TAF3: variants seen among roughly 807,000 people sequenced by gnomAD.
The protein encoded by TAF3 is TATA-box binding protein associated factor 3.
TAF3 carries 7 observed loss-of-function variants against 80.6 expected under a neutral mutation model. The observed-to-expected ratio is 0.09, with a 90% CI of 0.05 to 0.16. TAF3 has a LOEUF of 0.16. TAF3 is among the 10% of genes least tolerant of loss of function. The probability of loss-of-function intolerance (pLI) is 1.00; values close to 1 mark genes in which losing one functional copy is unlikely to be tolerated. For synonymous variants in TAF3, 444 were observed against 446.1 expected (o/e 1.00, Z 0.06); for missense variants, 921 against 1,140.2 (o/e 0.81, Z 2.77).
At chr10:7,941,638 T>G (rs549796048) in intron 2 of TAF3, among the ~76,000 whole-genome samples, 44 of 152,362 alleles carry the variant, frequency 2.9e-4, no homozygotes, top group African/African-American at 7.5e-4. Context: ...CGCCGATGCC[T>G]TCGAGGCTGT....
At chr10:7,976,311 A>G (rs574173631) in intron 3 of TAF3, among the ~76,000 whole-genome samples, 25 of 151,230 alleles carry the variant, frequency 1.7e-4, no homozygotes, top group East Asian at 1.9e-4. Flanking sequence ...CAGTGGCACA[A>G]TCTCAGCTCA....
intron 2 of TAF3, among the ~76,000 whole-genome samples, chr10:7,950,895 G>A (rs774315900): frequency 6.6e-6 from 1 of 152,210 alleles, no homozygotes; most frequent in Non-Finnish European, 1.5e-5. Context: ...CCTGTCTAGT[G>A]GTCCCAGTGC....
At position 7,818,865 on chromosome 10, in the gene TAF3, C is replaced by T. The variant is rs1285224630; in HGVS notation, c.156C>T (p.Tyr52=). Residue 52 remains tyrosine (Y), a synonymous_variant, in exon 1 of 7, where the codon TAC becomes TAT. Transcript: ENST00000344293. ...LQQLGRGCHR[Y]SELYGRTDPI... ...AGCTGGGCCGGGGCTGCCATCGGTA[C>T]TCTGAGCTCTGTGAGTACCGGGCTG... 6 of 1,499,588 alleles carry T rather than the reference C, an allele frequency of 4.0e-6. No individual in the cohort carries two copies. The highest frequency in any genetic ancestry group is 4.4e-6 in the Non-Finnish European group (5 of 1,134,564). 92.9% of individuals were successfully genotyped at this position (1,499,588 alleles called of 1,614,324 possible). A position where few individuals can be genotyped will look rare whatever the true frequency, so the allele number is the denominator to read the frequency against.
At chr10:7,883,221 C>T (rs1477830269) in intron 2 of TAF3, among the ~76,000 whole-genome samples, 1 of 152,226 alleles carries the variant, frequency 6.6e-6, no homozygotes, top group African/African-American at 2.4e-5. Context: ...CTCTTTAGTT[C>T]TTCAATCTAG....
intron 2 of TAF3, among the ~76,000 whole-genome samples, chr10:7,908,205 G>A (rs1837623562): frequency 6.6e-6 from 1 of 152,092 alleles, no homozygotes; most frequent in Non-Finnish European, 1.5e-5. Flanking sequence ...ATGCCTTCCA[G>A]AACCAAGCAT....
chr10:7,935,807 T>C (rs1285423173), intron 2 of TAF3, among the ~76,000 whole-genome samples: 1 of 152,120 alleles, frequency 6.6e-6, no homozygotes, highest in African/African-American at 2.4e-5. Context: ...TCTCATTGAT[T>C]CAGGAGAAAA....
chr10:8,008,273 T>A (rs1160883743), intron 4 of TAF3, among the ~76,000 whole-genome samples: 1 of 151,748 alleles, frequency 6.6e-6, no homozygotes, highest in African/African-American at 2.4e-5. Context: ...ATTTTTTGTA[T>A]TTTTTAGTAG....
intron 2 of TAF3, among the ~76,000 whole-genome samples, chr10:7,894,380 G>C (rs548410002): frequency 6.6e-6 from 1 of 152,146 alleles, no homozygotes; most frequent in African/African-American, 2.4e-5. Context: ...TCAAGTACTC[G>C]TTGCCTGCAT....
chr10:7,959,831 AT>A (rs1272771535), intron 2 of TAF3, among the ~76,000 whole-genome samples: 1 of 152,186 alleles, frequency 6.6e-6, no homozygotes, highest in Non-Finnish European at 1.5e-5. Flanking sequence ...AAAAATCCAA[AT>A]TTTCAAGTTA....
intron 2 of TAF3, among the ~76,000 whole-genome samples, chr10:7,858,827 T>TGTGTGTGTGC (rs575813657): frequency 6.7e-6 from 1 of 149,218 alleles, no homozygotes; most frequent in African/African-American, 2.5e-5. Context: ...TGTGTGTGTG[T>TGTGTGTGTGC]GCGCGCGCCT....
chr10:7,998,261 A>AGG (rs1831909024), intron 4 of TAF3, among the ~76,000 whole-genome samples: 1 of 58,964 alleles, frequency 1.7e-5, no homozygotes, highest in Non-Finnish European at 4.4e-5. Flanking sequence ...ATATATATAT[A>AGG]TATGTATATA....
chr10:7,845,142 G>A (rs1233331089), intron 2 of TAF3, among the ~76,000 whole-genome samples: 1 of 152,032 alleles, frequency 6.6e-6, no homozygotes. Context: ...CCCTGGAATA[G>A]CATTTCAAAG....
intron 2 of TAF3, among the ~76,000 whole-genome samples, chr10:7,879,396 C>A (rs886116860): frequency 5.3e-5 from 8 of 152,074 alleles, no homozygotes; most frequent in Admixed American, 2.0e-4. Flanking sequence ...TATTTTATCT[C>A]ATAAGGTTTT....
rs56395044 is a variant in TAF3 at position 7,988,752 on chromosome 10, G to GAAAAAAAAAAAA, written c.2315+11437_2315+11448dup. On this transcript the variant is annotated intron_variant, in intron 4 of 6. Coordinates refer to ENST00000344293, the MANE Select transcript of TAF3 (RefSeq NM_031923.4). ...CAATAGAGTGAGATTCTGTCTCTCA[G>GAAAAAAAAAAAA]AAAAAAAAAAAAAAAAAAATCAAGA... is the stretch of plus-strand genomic sequence containing the variant. Among the ~76,000 whole-genome samples, 352 of 92,778 alleles carry GAAAAAAAAAAAA rather than the reference G, an allele frequency of 3.8e-3. 14 individuals carry two copies. The highest frequency in any genetic ancestry group is 0.017 in the African/African-American group (331 of 19,514). 60.9% of individuals were successfully genotyped at this position (92,778 alleles called of 152,430 possible).
intron 2 of TAF3, among the ~76,000 whole-genome samples, chr10:7,926,924 A>G (rs1239554616): frequency 1.3e-5 from 2 of 152,172 alleles, no homozygotes; most frequent in South Asian, 4.1e-4. Context: ...GTTTGGTTCA[A>G]CGTGTGTATA....
chr10:7,935,699 A>G (rs1837912446), intron 2 of TAF3, among the ~76,000 whole-genome samples: 1 of 152,208 alleles, frequency 6.6e-6, no homozygotes, highest in Non-Finnish European at 1.5e-5. Flanking sequence ...AGAATTAAAT[A>G]GGGACTTACG....
rs149420541 is a variant in TAF3, at chr10:7,899,483, G to A, written c.410-64437G>A. ...TTACACATTTGCATTTCTCTTTGCA[G>A]TGTTTCTTTCCCTCTACAGTTAAAC... On this transcript the variant is annotated intron_variant, in intron 2 of 6. Transcript: ENST00000344293. 3.9e-3 allele frequency among the ~76,000 whole-genome samples: 595 copies of A among 152,296 alleles called. 7 individuals are homozygous for A. Among genetic ancestry groups the A allele is most frequent in the African/African-American group, 0.014 (573 of 41,558 alleles).
intron 2 of TAF3, among the ~76,000 whole-genome samples, chr10:7,940,680 C>T (rs969547697): frequency 7.2e-5 from 11 of 152,154 alleles, no homozygotes; most frequent in Admixed American, 3.3e-4. Context: ...AGTGGCCAGG[C>T]ATGGTGGCTT....
At chr10:7,955,511 A>T (rs1447136569) in intron 2 of TAF3, among the ~76,000 whole-genome samples, 2 of 152,356 alleles carry the variant, frequency 1.3e-5, no homozygotes, top group South Asian at 4.1e-4. Flanking sequence ...GCTTAGTTGG[A>T]GAACATGCCA....
Sources: gnomAD v4.1 joint callset for allele counts (sites outside exome capture counted in the v4.1 genomes callset) on GRCh38, gnomAD v4.1.1 for gene constraint, MANE v1.5 for transcripts, NCBI Gene and HGNC (gene_info 2026-07-23, HGNC 2026-07-21) for gene names.